SMYD3: variants seen among roughly 807,000 people sequenced by gnomAD.
The protein encoded by SMYD3 is histone-lysine N-methyltransferase SMYD3.
Under a neutral mutation model 57.7 loss-of-function variants are expected in SMYD3, and 36 were observed. The observed-to-expected ratio is 0.62, with a 90% CI of 0.48 to 0.82. The LOEUF is 0.82. SMYD3 is among the 40% of genes least tolerant of loss of function. The pLI is 0.00. For synonymous variants in SMYD3, 211 were observed against 195.0 expected (o/e 1.08, Z -0.68); for missense variants, 515 against 538.8 (o/e 0.96, Z 0.44).
intron 8 of SMYD3, among the ~76,000 whole-genome samples, chr1:245,911,496 C>CAT (rs34832589): frequency 0.067 from 10,013 of 149,402 alleles, 615 homozygotes; most frequent in African/African-American, 0.17. Flanking sequence ...AAAAAAATGC[C>CAT]ATATATATAT....
chr1:246,377,053 TCA>T (rs1232570191), intron 1 of SMYD3, among the ~76,000 whole-genome samples: 1 of 152,060 alleles, frequency 6.6e-6, no homozygotes, highest in Admixed American at 6.6e-5. Flanking sequence ...TAAACCGAGA[TCA>T]CACCATTGTA....
chr1:246,137,441 G>T (rs1341766551), intron 5 of SMYD3, among the ~76,000 whole-genome samples: 1 of 152,204 alleles, frequency 6.6e-6, no homozygotes, highest in Non-Finnish European at 1.5e-5. Flanking sequence ...AATGCAGGAA[G>T]TATCAAGACA....
chr1:246,464,798 CT>C (rs1047598905), intron 1 of SMYD3, among the ~76,000 whole-genome samples: 74 of 152,186 alleles, frequency 4.9e-4, no homozygotes, highest in African/African-American at 1.3e-3. Flanking sequence ...TCTGTGTAGT[CT>C]TTTTTTCCCC....
At chr1:245,887,289 C>T (rs2053138896) in intron 8 of SMYD3, among the ~76,000 whole-genome samples, 2 of 152,260 alleles carry the variant, frequency 1.3e-5, no homozygotes, top group South Asian at 4.2e-4. Context: ...TTACAAATGC[C>T]ATGGCAACGT....
At chr1:246,380,565 C>T (rs534549165) in intron 1 of SMYD3, among the ~76,000 whole-genome samples, 1 of 152,300 alleles carries the variant, frequency 6.6e-6, no homozygotes, top group African/African-American at 2.4e-5. Flanking sequence ...TGTTGCTGTT[C>T]TTTCATTACT....
chr1:246,367,622 G>A (rs889408524), intron 1 of SMYD3, among the ~76,000 whole-genome samples: 14 of 152,026 alleles, frequency 9.2e-5, no homozygotes, highest in Non-Finnish European at 2.1e-4. Context: ...AGTAGAGATG[G>A]GGTTTCACTG....
chr1:245,829,245 G>A (rs1202882805), intron 10 of SMYD3, among the ~76,000 whole-genome samples: 1 of 151,966 alleles, frequency 6.6e-6, no homozygotes, highest in Non-Finnish European at 1.5e-5. Flanking sequence ...ATTAAATAAT[G>A]GAAGTATTGA....
At chr1:245,853,720 A>C (rs1304799711) in intron 10 of SMYD3, among the ~76,000 whole-genome samples, 1 of 60,226 alleles carries the variant, frequency 1.7e-5, no homozygotes, top group Non-Finnish European at 6.2e-5. Context: ...TCTCAAAAAA[A>C]GGAGAAAAAA....
intron 5 of SMYD3, among the ~76,000 whole-genome samples, chr1:246,076,378 T>C (rs1055135958): frequency 6.6e-6 from 1 of 152,212 alleles, no homozygotes; most frequent in African/African-American, 2.4e-5. Flanking sequence ...CACATCCAAA[T>C]GTACTGCCAA....
At chr1:246,277,205 A>G (rs1262226209) in intron 5 of SMYD3, among the ~76,000 whole-genome samples, 1 of 152,234 alleles carries the variant, frequency 6.6e-6, no homozygotes, top group Non-Finnish European at 1.5e-5. Context: ...TCAAAAAAAA[A>G]AAGTGCAAGG....
intron 2 of SMYD3, 40 bp downstream of exon 2, chr1:246,354,991 A>G: frequency 6.3e-7 from 1 of 1,584,526 alleles, no homozygotes; most frequent in South Asian, 1.1e-5. Context: ...AAGAGTAAAG[A>G]ATTTGAAAGC....
chr1:246,086,173 C>G (rs2993470), intron 5 of SMYD3, among the ~76,000 whole-genome samples: 122,158 of 151,760 alleles, frequency 0.8, 49,648 homozygotes, highest in Admixed American at 0.87. Flanking sequence ...ATATGGACAC[C>G]CCACCACAGC....
rs552510066 is a variant in SMYD3, at chr1:246,001,932, C to G, written c.532-71995G>C. ...AGATTTTGACAGATTCTCCGGCCGC[C>G]AGTCTTCCAGCTCTGGTTTCCAGCT... On this transcript the variant is annotated intron_variant, in intron 5 of 11. Coordinates refer to ENST00000490107, the MANE Select transcript of SMYD3 (RefSeq NM_001167740.2). Among the ~76,000 whole-genome samples, 140 of 152,302 alleles carry G rather than the reference C, an allele frequency of 9.2e-4. 1 individual carries two copies. Among genetic ancestry groups the G allele is most frequent in the African/African-American group, 2.7e-3 (114 of 41,572 alleles).
intron 1 of SMYD3, among the ~76,000 whole-genome samples, chr1:246,444,336 G>C (rs1452271183): frequency 6.6e-6 from 1 of 152,090 alleles, no homozygotes; most frequent in Admixed American, 6.6e-5. Flanking sequence ...ATGTTGGCCA[G>C]ACTGGTCTCA....
rs188639298 is a variant in SMYD3 at position 246,302,360 on chromosome 1, T to C, written c.531+24841A>G. 1.1e-3 allele frequency among the ~76,000 whole-genome samples: 165 copies of C among 152,268 alleles called. 2 individuals carry two copies. Among genetic ancestry groups the C allele is most frequent in the Admixed American group, 8.8e-3 (134 of 15,286 alleles). On this transcript the variant is annotated intron_variant, in intron 5 of 11. Transcript: ENST00000490107. ...GCTAAAAGGAAGCATTTTTCAGTCA[T>C]AGCCAACAAATTCCTTTTGTGCTTC...
At chr1:246,233,099 C>A (rs2063444637) in intron 5 of SMYD3, among the ~76,000 whole-genome samples, 1 of 131,128 alleles carries the variant, frequency 7.6e-6, no homozygotes, top group African/African-American at 2.7e-5. Context: ...AGGAGAAGCA[C>A]TCCTTCAATC....
intron 1 of SMYD3, among the ~76,000 whole-genome samples, chr1:246,459,317 CAT>C (rs58492080): frequency 0.04 from 6,048 of 150,562 alleles, 355 homozygotes; most frequent in African/African-American, 0.13. Context: ...CTGCTGTTCT[CAT>C]GATAGAGTTC....
chr1:246,397,531 A>G (rs1007323043), intron 1 of SMYD3, among the ~76,000 whole-genome samples: 1 of 152,156 alleles, frequency 6.6e-6, no homozygotes, highest in Non-Finnish European at 1.5e-5. Context: ...ATCATGGAAA[A>G]AAACAAATGT....
At chr1:246,128,563 T>A (rs911756199) in intron 5 of SMYD3, among the ~76,000 whole-genome samples, 14 of 152,208 alleles carry the variant, frequency 9.2e-5, no homozygotes, top group Non-Finnish European at 1.8e-4. Context: ...TTATGAATCC[T>A]CAGTTCATAG....
Sources: allele counts gnomAD v4.1 joint callset (sites outside exome capture counted in the v4.1 genomes callset), GRCh38; gene constraint gnomAD v4.1.1; transcripts MANE v1.5; gene names NCBI Gene and HGNC (gene_info 2026-07-23, HGNC 2026-07-21).